The following ILDR2 variants were observed in gnomAD, a reference collection of about 807,000 sequenced individuals.
ILDR2 encodes the protein immunoglobulin like domain containing receptor 2.
A neutral mutation model predicts 66.8 loss-of-function variants in ILDR2; 25 were observed. That is an observed-to-expected ratio of 0.37 (90% CI 0.27 to 0.52). The LOEUF (loss-of-function observed/expected upper bound fraction) is 0.52. ILDR2 is among the 20% of genes least tolerant of loss of function. The pLI, the probability that ILDR2 is intolerant of heterozygous loss-of-function variation, is 0.88. For synonymous variants in ILDR2, 367 were observed against 357.2 expected (o/e 1.03, Z -0.31); for missense variants, 827 against 876.8 (o/e 0.94, Z 0.72).
intron 6 of ILDR2, among the ~76,000 whole-genome samples, chr1:166,932,600 G>A (rs1043623839): frequency 6.6e-6 from 1 of 152,182 alleles, no homozygotes; most frequent in African/African-American, 2.4e-5. Flanking sequence ...ATCCAGAGCA[G>A]CACAGGAGCA....
intron 7 of ILDR2, among the ~76,000 whole-genome samples, chr1:166,924,981 A>C (rs1660190436): frequency 6.6e-6 from 1 of 152,080 alleles, no homozygotes; most frequent in Non-Finnish European, 1.5e-5. Flanking sequence ...GCGCCACTGC[A>C]CTCCAGCCTG....
Position 166,936,650 on chromosome 1 carries a change from C to T in ILDR2, c.644G>A (p.Ser215Asn). ...GICWCQCCPH[S>N]CCCYVRCPCC... ...TGGGCAGCGGACATAGCAGCAGCAG[C>T]TGTGAGGGCAGCACTGGCACCAGCA... The change falls in exon 5 of 10, where the codon AGC becomes AAC. Residue 215 changes from serine to asparagine, a missense_variant. Around this residue, in one of 2 missense-constraint regions of ILDR2, gnomAD observed 437 missense variants for 523.2 expected, o/e 0.84. Coordinates refer to ENST00000271417, the MANE Select transcript of ILDR2 (RefSeq NM_199351.3). The surrounding 1 kb of genome is among the most constrained non-coding windows in gnomAD (Gnocchi z 5.0). 6.2e-7 allele frequency: 1 copy of T among 1,613,890 alleles called. No individual in the cohort carries two copies. The highest frequency in any genetic ancestry group is 8.5e-7 in the Non-Finnish European group (1 of 1,179,834).
At chr1:166,931,336 T>G (rs1660628917) in intron 6 of ILDR2, among the ~76,000 whole-genome samples, 1 of 152,184 alleles carries the variant, frequency 6.6e-6, no homozygotes, top group Admixed American at 6.5e-5. Context: ...ATAAGCTAAG[T>G]AAAGCTGTTT....
chr1:166,943,964 C>A, intron 3 of ILDR2: 1 of 468,748 alleles, frequency 2.1e-6, no homozygotes, highest in Non-Finnish European at 2.8e-6. Flanking sequence ...CAGTTTTCCC[C>A]AAATCTTGCA....
At chr1:166,939,269 C>T (rs1661170069) in intron 4 of ILDR2, among the ~76,000 whole-genome samples, 1 of 152,102 alleles carries the variant, frequency 6.6e-6, no homozygotes, top group African/African-American at 2.4e-5. Context: ...AGCCTGCATG[C>T]CTGACACTGA....
At chr1:166,900,985 C>T (rs1390818866) in intron 2 of ILDR2, among the ~76,000 whole-genome samples, 1 of 152,202 alleles carries the variant, frequency 6.6e-6, no homozygotes, top group African/African-American at 2.4e-5. Flanking sequence ...AGACCAAGCT[C>T]TTCCTGAAGG....
chr1:166,904,948 C>T (rs1261447682), downstream of ILDR2, among the ~76,000 whole-genome samples: 1 of 152,126 alleles, frequency 6.6e-6, no homozygotes, highest in Middle Eastern at 3.2e-3. Context: ...CTCAAAAAAA[C>T]TGCAAAAGAA....
At position 166,958,081 on chromosome 1, in the gene ILDR2, C is replaced by T. The variant is rs749525155; in HGVS notation, c.67G>A (p.Val23Ile). 3.1e-6 allele frequency: 5 copies of T among 1,610,454 alleles called. No homozygotes were observed. The highest frequency in any genetic ancestry group is 4.2e-6 in the Non-Finnish European group (5 of 1,177,008). The change falls in exon 2 of 10, where the codon GTC becomes ATC. Residue 23 changes from valine to isoleucine, a missense_variant. By Grantham distance (29) the Val-to-Ile change is conservative. This residue lies in a region of ILDR2 where 437 missense variants were observed against 523.2 expected (regional missense o/e 0.84). Coordinates refer to ENST00000271417, the MANE Select transcript of ILDR2 (RefSeq NM_199351.3). ...WLTAMVEGLQ[V>I]TVPDKKKVAM... Reference sequence around the variant, plus strand: ...ACCTTCTTCTTGTCGGGCACTGTGACCTGAAGGCCTTCGACCATGGCTGCA... The same window carrying T: ...ACCTTCTTCTTGTCGGGCACTGTGATCTGAAGGCCTTCGACCATGGCTGCA...
intron 1 of ILDR2, among the ~76,000 whole-genome samples, chr1:166,963,517 G>A (rs993054911): frequency 9.2e-5 from 14 of 152,202 alleles, no homozygotes; most frequent in Admixed American, 5.2e-4. Context: ...CCACCACCTG[G>A]GTTTGAGAAT....
intron 3 of ILDR2, among the ~76,000 whole-genome samples, chr1:166,948,341 C>A (rs1224767048): frequency 6.6e-6 from 1 of 152,166 alleles, no homozygotes; most frequent in Non-Finnish European, 1.5e-5. Flanking sequence ...TTTTCACTCT[C>A]AAGAGTATCC....
At chr1:166,944,300 C>T (rs1483330434) in intron 3 of ILDR2, among the ~76,000 whole-genome samples, 3 of 152,202 alleles carry the variant, frequency 2.0e-5, no homozygotes, top group Admixed American at 6.5e-5. Flanking sequence ...ATTCATTCAT[C>T]ATTCATTCAT....
At chr1:166,938,769 C>T (rs1661133908) in intron 4 of ILDR2, among the ~76,000 whole-genome samples, 1 of 152,156 alleles carries the variant, frequency 6.6e-6, no homozygotes, top group Non-Finnish European at 1.5e-5. Context: ...CTAAATCATC[C>T]CTTTTCCTAC....
At position 166,920,909 on chromosome 1, in the gene ILDR2, C is replaced by A; in HGVS notation, c.1682G>T (p.Arg561Leu). 1 of 1,476,484 alleles carries A rather than the reference C, an allele frequency of 6.8e-7. No individual in the cohort carries two copies. Among genetic ancestry groups the A allele is most frequent in the East Asian group, 2.9e-5 (1 of 35,056 alleles). 91.5% of individuals were successfully genotyped at this position (1,476,484 alleles called of 1,614,324 possible). ...PSKRSAQLGP[R>L]SASYYAWSPP... The stretch of plus-strand genomic sequence containing the variant: ...CGACCAAGCGTAGTAGGAGGCGCTG[C>A]GCGGGCCGAGCTGCGCGCTCCGCTT... Residue 561 changes from arginine to leucine, a missense_variant, in exon 9 of 10, where the codon CGC (arginine) becomes CTC (leucine). Physicochemically the swap from Arg to Leu is moderately radical, Grantham distance 102. This residue lies in a region of ILDR2 where 390 missense variants were observed against 353.6 expected (regional missense o/e 1.10). Coordinates refer to ENST00000271417, the MANE Select transcript of ILDR2 (RefSeq NM_199351.3).
intron 3 of ILDR2, among the ~76,000 whole-genome samples, chr1:166,942,788 C>T (rs975462869): frequency 6.6e-6 from 1 of 152,160 alleles, no homozygotes; most frequent in Non-Finnish European, 1.5e-5. Context: ...GTATTATGCA[C>T]GAAATTGCTA....
In ILDR2 at chr1:166,909,753, A is replaced by G. The variant is rs1557921241; in HGVS notation, c.*9602T>C. 1.3e-5 allele frequency: 1 copy of G among 74,658 alleles called. No homozygotes were observed. The highest frequency in any genetic ancestry group is 5.7e-4 in the East Asian group (1 of 1,740). The allele number at this position is 74,658 out of a possible 1,614,324, so 4.6% of individuals were successfully genotyped here. ...TATACATACATATATATATATATAT[A>G]TATATAAATATATATAAATATATAT... On this transcript the variant is annotated 3_prime_UTR_variant, in exon 10 of 10. Transcript: ENST00000271417.
intron 2 of ILDR2, among the ~76,000 whole-genome samples, chr1:166,896,966 C>A (rs1354802253): frequency 1.3e-5 from 2 of 152,168 alleles, no homozygotes; most frequent in Non-Finnish European, 2.9e-5. Flanking sequence ...ATTAGGCTCC[C>A]AGAAACTTTG....
At chr1:166,948,617 C>T (rs1661781235) in intron 3 of ILDR2, among the ~76,000 whole-genome samples, 1 of 152,190 alleles carries the variant, frequency 6.6e-6, no homozygotes, top group East Asian at 1.9e-4. Context: ...AGGAAGATTT[C>T]CACTGGGCTG....
chr1:166,921,632 C>T lies in ILDR2; in HGVS notation c.1212-253G>A, dbSNP rs572045395. 2.0e-4 allele frequency among the ~76,000 whole-genome samples: 31 copies of T among 152,296 alleles called. No homozygotes were observed. Among genetic ancestry groups the T allele is most frequent in the African/African-American group, 7.2e-4 (30 of 41,564 alleles). ...TGTGTGGATAGAACATATTCTGTATCCTATGGAATACTGACCCACCGTGGG... is the reference window on the plus strand; with the variant it reads ...TGTGTGGATAGAACATATTCTGTATTCTATGGAATACTGACCCACCGTGGG... On this transcript the variant is annotated intron_variant, in intron 8 of 9. Transcript: ENST00000271417. This position sits in a 1 kb window ranked among gnomAD's most constrained non-coding sequence, Gnocchi z 5.3.
chr1:166,909,781 T>TTATA lies in ILDR2; in HGVS notation c.*9570_*9573dup, dbSNP rs59835931. The TTATA allele has an allele frequency of 3.6e-4, 23 of 64,242 alleles. No individual in the cohort carries two copies. In the South Asian group the frequency reaches 3.7e-3, roughly 10 times the overall value. The allele number at this position is 64,242 out of a possible 1,614,324, so 4.0% of individuals were successfully genotyped here. Reference sequence around the variant, plus strand: ...TATAAATATATATAAATATATATATTTATATATATATATATATATATATAT... The same window carrying TTATA: ...TATAAATATATATAAATATATATATTTATATATATATATATATATATATATATAT... On this transcript the variant is annotated 3_prime_UTR_variant, in exon 10 of 10. Coordinates refer to ENST00000271417, the MANE Select transcript of ILDR2 (RefSeq NM_199351.3).
Sources: allele counts gnomAD v4.1 joint callset (sites outside exome capture counted in the v4.1 genomes callset), GRCh38; gene constraint gnomAD v4.1.1; regional missense constraint gnomAD v4.1.1; non-coding constraint Gnocchi (gnomAD v3.1); transcripts MANE v1.5; gene names NCBI Gene and HGNC (gene_info 2026-07-23, HGNC 2026-07-21).